The following SBF2 variants were observed in gnomAD, a reference collection of about 807,000 sequenced individuals.
SBF2 encodes the protein SET binding factor 2.
A neutral mutation model predicts 225.2 loss-of-function variants in SBF2; 112 were observed. The ratio of observed to expected loss-of-function variants is 0.50; its 90% confidence interval spans 0.43 to 0.58. The LOEUF is 0.58. Ranked by LOEUF, SBF2 falls within the 20% of genes least tolerant of loss-of-function variation. The probability of loss-of-function intolerance (pLI) is 0.00; values close to 1 mark genes in which losing one functional copy is unlikely to be tolerated. For missense variants in SBF2, 1,996 were observed against 2,206.2 expected, an observed-to-expected ratio of 0.90 and a Z score of 1.91; for synonymous variants, 763 against 773.3, an observed-to-expected ratio of 0.99 and a Z score of 0.22.
chr11:10,191,438 C>G (rs1194894769), intron 2 of SBF2, among the ~76,000 whole-genome samples: 1 of 151,992 alleles, frequency 6.6e-6, no homozygotes, highest in African/African-American at 2.4e-5. Context: ...TTAAAATGGA[C>G]TTTGATAGAT....
intron 6 of SBF2, among the ~76,000 whole-genome samples, chr11:10,020,652 AACAATTTT>A (rs1948818481): frequency 6.6e-6 from 1 of 152,172 alleles, no homozygotes; most frequent in South Asian, 2.1e-4. Context: ...CTGAGGAGGC[AACAATTTT>A]TGCTGCAGAC....
chr11:10,173,517 C>A (rs956457961), intron 2 of SBF2, among the ~76,000 whole-genome samples: 1 of 152,196 alleles, frequency 6.6e-6, no homozygotes, highest in Non-Finnish European at 1.5e-5. Flanking sequence ...CCTACGCCCA[C>A]GGAGTCTCGC....
intron 2 of SBF2, among the ~76,000 whole-genome samples, chr11:10,112,243 C>T (rs1952905960): frequency 6.6e-6 from 1 of 152,172 alleles, no homozygotes; most frequent in Admixed American, 6.5e-5. Flanking sequence ...TATGTCCCCA[C>T]CCAAATCTCA....
intron 26 of SBF2, among the ~76,000 whole-genome samples, 181 bp from the exon 27 acceptor site, chr11:9,832,601 T>C (rs1855468155): frequency 6.6e-6 from 1 of 152,088 alleles, no homozygotes; most frequent in Non-Finnish European, 1.5e-5. Flanking sequence ...TATTTTCTTT[T>C]TTAATTTTAT....
At chr11:10,254,679 G>A (rs1002763439) in intron 1 of SBF2, among the ~76,000 whole-genome samples, 7 of 151,036 alleles carry the variant, frequency 4.6e-5, no homozygotes, top group African/African-American at 1.5e-4. Flanking sequence ...GCTGAGGCGG[G>A]TGGGTCACTT....
chr11:9,987,261 C>T (rs1033553070), intron 13 of SBF2, among the ~76,000 whole-genome samples: 12 of 152,126 alleles, frequency 7.9e-5, no homozygotes, highest in South Asian at 2.1e-4. Context: ...AACTGGCATA[C>T]GAGGGACATA....
intron 1 of SBF2, among the ~76,000 whole-genome samples, chr11:10,301,453 T>G (rs1964598536): frequency 2.6e-5 from 4 of 152,224 alleles, no homozygotes; most frequent in Admixed American, 2.0e-4. Context: ...CTTTGTGTTA[T>G]GACTTCAGGA....
chr11:9,925,380 C>A (rs1035951851), intron 16 of SBF2, among the ~76,000 whole-genome samples: 4 of 152,032 alleles, frequency 2.6e-5, no homozygotes, highest in Non-Finnish European at 4.4e-5. Context: ...CGGCTTCAAG[C>A]GATTTTCCTG....
intron 1 of SBF2, among the ~76,000 whole-genome samples, chr11:10,206,905 G>A (rs12280005): frequency 0.2 from 30,632 of 151,846 alleles, 3,343 homozygotes; most frequent in East Asian, 0.28. Flanking sequence ...CAGAAAAGAG[G>A]AGAGGAAGAG....
intron 16 of SBF2, among the ~76,000 whole-genome samples, chr11:9,902,249 C>T (rs1166860938): frequency 2.6e-5 from 4 of 152,202 alleles, no homozygotes; most frequent in African/African-American, 4.8e-5. Context: ...GAGGCTTCAT[C>T]TACATAATAA....
At chr11:9,983,778 C>T (rs1201041751) in intron 13 of SBF2, among the ~76,000 whole-genome samples, 1 of 152,182 alleles carries the variant, frequency 6.6e-6, no homozygotes, top group Non-Finnish European at 1.5e-5. Flanking sequence ...ATCCTCAGTA[C>T]CAGCCTGGAG....
chr11:10,052,283 C>G (rs1384590509), intron 2 of SBF2, among the ~76,000 whole-genome samples: 1 of 152,040 alleles, frequency 6.6e-6, no homozygotes, highest in African/African-American at 2.4e-5. Context: ...TTTGTAATGG[C>G]AAAACATACC....
At chr11:10,282,724 T>C (rs540812453) in intron 1 of SBF2, among the ~76,000 whole-genome samples, 100 of 152,336 alleles carry the variant, frequency 6.6e-4, no homozygotes, top group Non-Finnish European at 2.8e-4. Flanking sequence ...TTTCTCATAC[T>C]GGTCTTTCTC....
intron 16 of SBF2, among the ~76,000 whole-genome samples, chr11:9,944,632 C>T (rs1416637980): frequency 1.3e-5 from 2 of 152,094 alleles, no homozygotes; most frequent in Non-Finnish European, 2.9e-5. Flanking sequence ...GTGAGAATTA[C>T]CAAATACTGC....
At chr11:10,250,531 T>C (rs774541730) in intron 1 of SBF2, among the ~76,000 whole-genome samples, 3 of 152,210 alleles carry the variant, frequency 2.0e-5, no homozygotes, top group Non-Finnish European at 4.4e-5. Flanking sequence ...TTTGGTTCCA[T>C]ATTTCTGGGA....
chr11:10,082,737 A>G (rs1404579950), intron 2 of SBF2, among the ~76,000 whole-genome samples: 1 of 152,192 alleles, frequency 6.6e-6, no homozygotes, highest in Non-Finnish European at 1.5e-5. Context: ...ACATATCTCA[A>G]TGTAATAAAA....
chr11:10,260,761 G>C (rs1021820587), intron 1 of SBF2, among the ~76,000 whole-genome samples: 2 of 151,028 alleles, frequency 1.3e-5, no homozygotes, highest in African/African-American at 2.4e-5. Flanking sequence ...TGCACCCGTA[G>C]TCCCATCTAC....
At position 10,218,072 on chromosome 11, in the gene SBF2, G is replaced by A. The variant is rs539397792; in HGVS notation, c.56-24085C>T. Among the ~76,000 whole-genome samples the A allele has an allele frequency of 1.4e-3, 206 of 152,146 alleles. 3 individuals are homozygous for A. The highest frequency in any genetic ancestry group is 3.7e-4 in the Non-Finnish European group (25 of 67,996). Reference sequence around the variant, plus strand: ...GTACCACTGCACCCAGTTGATTTTTGTATTTTTAGTAGAGACAGGGATTCA... The same window carrying A: ...GTACCACTGCACCCAGTTGATTTTTATATTTTTAGTAGAGACAGGGATTCA... On this transcript the variant is annotated intron_variant, in intron 1 of 39. Transcript: ENST00000256190.
chr11:10,230,247 G>T (rs1013891910), intron 1 of SBF2, among the ~76,000 whole-genome samples: 4 of 152,108 alleles, frequency 2.6e-5, no homozygotes, highest in Admixed American at 6.6e-5. Flanking sequence ...ACACTGATGG[G>T]TCTTGACTCT....
Sources: gnomAD v4.1 joint callset for allele counts (sites outside exome capture counted in the v4.1 genomes callset) on GRCh38, gnomAD v4.1.1 for gene constraint, MANE v1.5 for transcripts, NCBI Gene and HGNC (gene_info 2026-07-23, HGNC 2026-07-21) for gene names.